GNAO1: variants seen among roughly 807,000 people sequenced by gnomAD.
GNAO1 encodes the protein G protein subunit alpha o1.
For missense variants in GNAO1, 166 were observed against 478.7 expected (o/e 0.35, Z 6.10); for synonymous variants, 164 against 180.7 (o/e 0.91, Z 0.74).
chr16:56,338,259 C>A (rs1279139668), intron 6 of GNAO1, among the ~76,000 whole-genome samples: 1 of 152,184 alleles, frequency 6.6e-6, no homozygotes, highest in African/African-American at 2.4e-5. Flanking sequence ...ATTTCAGGCC[C>A]ACCTGTACCC....
chr16:56,254,921 A>C (rs1216357888), intron 2 of GNAO1, among the ~76,000 whole-genome samples: 1 of 152,196 alleles, frequency 6.6e-6, no homozygotes, highest in African/African-American at 2.4e-5. Flanking sequence ...AACACAAGAT[A>C]ACATGAAATA....
At chr16:56,344,036 C>T in intron 6 of GNAO1, 3 of 1,557,752 alleles carry the variant, frequency 1.9e-6, no homozygotes, top group Admixed American at 3.6e-5. Context: ...TCTCAGACCA[C>T]TCTTTGCACT....
rs1301892946 is a variant in GNAO1, at chr16:56,339,381, C to A, written c.723+2521C>A. Among the ~76,000 whole-genome samples, 3 of 152,380 alleles carry A rather than the reference C, an allele frequency of 2.0e-5. No homozygotes were observed. In the East Asian group the frequency reaches 5.8e-4, roughly 29 times the overall value. On this transcript the variant is annotated intron_variant, in intron 6 of 8. Coordinates refer to ENST00000262493, the MANE Select transcript of GNAO1 (RefSeq NM_020988.3). ...GTGCCTGTACACAGGAATCATCACT[C>A]AGTGAATAGCTCCTGTGGCTACAAC...
chr16:56,233,988 G>T (rs1223705145), intron 2 of GNAO1, among the ~76,000 whole-genome samples: 1 of 152,220 alleles, frequency 6.6e-6, no homozygotes, highest in Non-Finnish European at 1.5e-5. Context: ...GCATGGTATT[G>T]ATTTGCCCCC....
At chr16:56,217,098 T>C (rs1158910973) in intron 2 of GNAO1, among the ~76,000 whole-genome samples, 5 of 152,254 alleles carry the variant, frequency 3.3e-5, no homozygotes, top group African/African-American at 4.8e-5. Flanking sequence ...GATATAATGC[T>C]TCATGTCCTG....
chr16:56,244,365 A>AT (rs796648973), intron 2 of GNAO1, among the ~76,000 whole-genome samples: 54 of 138,278 alleles, frequency 3.9e-4, no homozygotes, highest in African/African-American at 1.3e-3. Context: ...AACACTTAGC[A>AT]TAAAAAAAAA....
intron 2 of GNAO1, among the ~76,000 whole-genome samples, chr16:56,269,785 C>T (rs2036997155): frequency 6.6e-6 from 1 of 152,128 alleles, no homozygotes; most frequent in South Asian, 2.1e-4. Context: ...GAGTTTGTGA[C>T]CCTCCAGAAG....
At chr16:56,209,007 C>T (rs1383496505) in intron 2 of GNAO1, among the ~76,000 whole-genome samples, 1 of 151,820 alleles carries the variant, frequency 6.6e-6, no homozygotes, top group African/African-American at 2.4e-5. Flanking sequence ...TTTCAGTCTC[C>T]CTCTTTTTGG....
rs138618533 is a variant in GNAO1 at position 56,328,956 on chromosome 16, C to A, written c.464+165C>A. 320 of 651,764 alleles carry A rather than the reference C, an allele frequency of 4.9e-4. 4 individuals carry two copies. Among genetic ancestry groups the A allele is most frequent in the African/African-American group, 3.4e-3 (187 of 55,158 alleles). The allele number at this position is 651,764 out of a possible 1,614,324, so 40.4% of individuals were successfully genotyped here. On this transcript the variant is annotated intron_variant, in intron 4 of 8. Transcript: ENST00000262493. ...GGTGTCAGGAAGGAATGAGAAGGGG[C>A]CTCTCTTCCTGCACCCCAGGAGGAG...
At chr16:56,258,258 G>A (rs1225376654) in intron 2 of GNAO1, among the ~76,000 whole-genome samples, 1 of 152,184 alleles carries the variant, frequency 6.6e-6, no homozygotes, top group African/African-American at 2.4e-5. Flanking sequence ...CAGCTCTGCT[G>A]CTTACTGGCT....
chr16:56,192,925 C>G (rs770762659), intron 2 of GNAO1: 1 of 315,568 alleles, frequency 3.2e-6, no homozygotes, highest in Non-Finnish European at 5.9e-6. Flanking sequence ...GATCATTACT[C>G]TTGCTTGTGG....
intron 3 of GNAO1, among the ~76,000 whole-genome samples, chr16:56,298,106 A>G (rs1286359222): frequency 6.6e-6 from 1 of 152,232 alleles, no homozygotes; most frequent in Non-Finnish European, 1.5e-5. Context: ...CAGGAGGTCG[A>G]GGCTACGGTA....
At chr16:56,280,426 G>A (rs977485709) in intron 3 of GNAO1, among the ~76,000 whole-genome samples, 2 of 152,262 alleles carry the variant, frequency 1.3e-5, no homozygotes, top group African/African-American at 4.8e-5. Flanking sequence ...AGAAGGTCCA[G>A]TTGGGTCCAG....
intron 2 of GNAO1, among the ~76,000 whole-genome samples, chr16:56,258,302 C>G (rs2036871471): frequency 6.6e-6 from 1 of 152,210 alleles, no homozygotes; most frequent in Non-Finnish European, 1.5e-5. Flanking sequence ...GTTAACCTCC[C>G]TAAGCCTCAG....
intron 2 of GNAO1, among the ~76,000 whole-genome samples, chr16:56,233,834 C>T (rs529411459): frequency 6.6e-6 from 1 of 152,346 alleles, no homozygotes; most frequent in South Asian, 2.1e-4. Flanking sequence ...TCCATGCCCC[C>T]TTGTCTGTGG....
intron 2 of GNAO1, among the ~76,000 whole-genome samples, chr16:56,250,589 A>G (rs1466863596): frequency 1.3e-5 from 2 of 152,200 alleles, no homozygotes; most frequent in African/African-American, 4.8e-5. Context: ...TGCGTATCAA[A>G]CCCTTTCAGG....
chr16:56,293,095 T>C (rs2037247714), intron 3 of GNAO1, among the ~76,000 whole-genome samples: 2 of 152,226 alleles, frequency 1.3e-5, no homozygotes, highest in Non-Finnish European at 2.9e-5. Context: ...AAGGGGAGTT[T>C]TTGGGGCCGG....
chr16:56,315,184 C>T (rs1249844760), intron 3 of GNAO1, among the ~76,000 whole-genome samples: 1 of 152,212 alleles, frequency 6.6e-6, no homozygotes, highest in African/African-American at 2.4e-5. Context: ...CATCTTCCAT[C>T]TTTTCTCTTC....
chr16:56,208,418 AAT>A (rs2036350432), intron 2 of GNAO1, among the ~76,000 whole-genome samples: 11 of 129,848 alleles, frequency 8.5e-5, no homozygotes, highest in Admixed American at 7.3e-4. Flanking sequence ...TGCTGCTATC[AAT>A]GTGTGTGTGT....
Sources: gnomAD v4.1 joint callset for allele counts (sites outside exome capture counted in the v4.1 genomes callset) on GRCh38, gnomAD v4.1.1 for gene constraint, MANE v1.5 for transcripts, NCBI Gene and HGNC (gene_info 2026-07-23, HGNC 2026-07-21) for gene names.